The following TENM3 variants were observed in gnomAD, a reference collection of about 807,000 sequenced individuals.
The protein encoded by TENM3 is teneurin transmembrane protein 3.
TENM3 carries 63 observed loss-of-function variants against 255.1 expected under a neutral mutation model. The ratio of observed to expected loss-of-function variants is 0.25; its 90% CI spans 0.20 to 0.30. The LOEUF is 0.30. TENM3 is among the 10% of genes least tolerant of loss of function. The probability of loss-of-function intolerance (pLI) is 1.00; values close to 1 mark genes in which losing one functional copy is unlikely to be tolerated. For synonymous variants in TENM3, 1,306 were observed against 1,322.3 expected (o/e 0.99, Z 0.27); for missense variants, 2,929 against 3,461.1 (o/e 0.85, Z 3.86).
intron 1 of TENM3, among the ~76,000 whole-genome samples, chr4:182,245,210 C>G (rs1757562232): frequency 6.6e-6 from 1 of 152,122 alleles, no homozygotes; most frequent in South Asian, 2.1e-4. Context: ...GCTTTGTTTC[C>G]CAAGACTGTG....
the TENM3 span, among the ~76,000 whole-genome samples, chr4:181,831,453 C>A: frequency 5.4e-5 from 8 of 148,960 alleles, 1 homozygote; most frequent in Admixed American, 4.8e-4. Flanking sequence ...AGATGTTTAA[C>A]CCTGAAAGCA....
intron 3 of TENM3, among the ~76,000 whole-genome samples, chr4:182,356,256 CAGAA>C (rs962623090): frequency 6.6e-6 from 1 of 152,092 alleles, no homozygotes; most frequent in Admixed American, 6.6e-5. Flanking sequence ...TCCCGGCACT[CAGAA>C]AGGAGGCTGA....
chr4:181,981,751 A>G, the TENM3 span, among the ~76,000 whole-genome samples: 1 of 152,186 alleles, frequency 6.6e-6, no homozygotes, highest in African/African-American at 2.4e-5. Flanking sequence ...CGAAAAGTGG[A>G]AAAAGTCACA....
At chr4:182,346,610 C>CAT in intron 2 of TENM3, 41 bp from the exon 3 acceptor site, 1 of 1,501,486 alleles carries the variant, frequency 6.7e-7, no homozygotes, top group Non-Finnish European at 9.2e-7. Context: ...TAACACTGAA[C>CAT]ATATACTCAC....
chr4:182,268,333 C>T (rs1759375961), intron 1 of TENM3, among the ~76,000 whole-genome samples: 2 of 152,090 alleles, frequency 1.3e-5, no homozygotes, highest in Non-Finnish European at 2.9e-5. Context: ...CTCCTCTCTA[C>T]CCTAAATGTA....
chr4:182,331,841 A>G (rs1259721325), intron 2 of TENM3, among the ~76,000 whole-genome samples: 1 of 152,202 alleles, frequency 6.6e-6, no homozygotes, highest in Non-Finnish European at 1.5e-5. Flanking sequence ...AAACAATAAT[A>G]TAGTAGCTAA....
intron 3 of TENM3, among the ~76,000 whole-genome samples, chr4:182,465,618 A>G (rs1732511635): frequency 6.6e-6 from 1 of 152,190 alleles, no homozygotes; most frequent in Non-Finnish European, 1.5e-5. Flanking sequence ...TTAGGGAATT[A>G]GAATACTCCC....
intron 11 of TENM3, among the ~76,000 whole-genome samples, chr4:182,684,681 A>G (rs17073835): frequency 0.11 from 16,095 of 152,158 alleles, 1,138 homozygotes; most frequent in South Asian, 0.14. Flanking sequence ...TGGTGGTAGT[A>G]GTTACTATGG....
chr4:181,998,998 C>T, the TENM3 span, among the ~76,000 whole-genome samples: 1 of 152,150 alleles, frequency 6.6e-6, no homozygotes, highest in East Asian at 1.9e-4. Flanking sequence ...GGAAATACTA[C>T]ATGTAAAGCA....
chr4:182,494,994 G>A (rs939174055), intron 3 of TENM3, among the ~76,000 whole-genome samples: 5 of 152,160 alleles, frequency 3.3e-5, no homozygotes, highest in African/African-American at 1.2e-4. Context: ...CAGCATCTTT[G>A]GAGATGTTGT....
At chr4:182,395,644 G>A (rs915215286) in intron 3 of TENM3, among the ~76,000 whole-genome samples, 11 of 152,028 alleles carry the variant, frequency 7.2e-5, no homozygotes, top group Non-Finnish European at 1.5e-4. Flanking sequence ...CAAGAGACCC[G>A]GAGTCTTGAA....
chr4:182,542,782 C>T (rs1035687326), intron 3 of TENM3, among the ~76,000 whole-genome samples: 1 of 152,164 alleles, frequency 6.6e-6, no homozygotes, highest in African/African-American at 2.4e-5. Context: ...TGATTCTATA[C>T]AATTTTTTAT....
intron 3 of TENM3, among the ~76,000 whole-genome samples, chr4:182,489,144 G>A (rs1194401253): frequency 6.6e-6 from 1 of 152,098 alleles, no homozygotes; most frequent in Non-Finnish European, 1.5e-5. Context: ...ATCGTTAAGG[G>A]AGACTCTTAA....
At chr4:181,640,547 C>T in the TENM3 span, among the ~76,000 whole-genome samples, 1 of 152,186 alleles carries the variant, frequency 6.6e-6, no homozygotes, top group African/African-American at 2.4e-5. Flanking sequence ...AAATTTCCAA[C>T]ACAACACCCT....
intron 3 of TENM3, among the ~76,000 whole-genome samples, chr4:182,562,772 C>G (rs961251014): frequency 3.3e-5 from 5 of 152,046 alleles, no homozygotes; most frequent in Admixed American, 3.3e-4. Flanking sequence ...CAACATGGAG[C>G]GCAACTTCTC....
the TENM3 span, among the ~76,000 whole-genome samples, chr4:181,573,616 T>C: frequency 6.6e-6 from 1 of 152,164 alleles, no homozygotes; most frequent in South Asian, 2.1e-4. Flanking sequence ...GCTAATATAG[T>C]GTCACCTGGC....
chr4:182,352,512 C>A (rs545664502), intron 3 of TENM3, among the ~76,000 whole-genome samples: 1 of 152,224 alleles, frequency 6.6e-6, no homozygotes, highest in East Asian at 1.9e-4. Flanking sequence ...TCATTTCTCA[C>A]CTAAGTTTGA....
chr4:182,786,031 G>C (rs1765625592), intron 24 of TENM3, among the ~76,000 whole-genome samples: 2 of 152,150 alleles, frequency 1.3e-5, no homozygotes, highest in Non-Finnish European at 2.9e-5. Flanking sequence ...TGGGAATTTG[G>C]GAAAAAACAT....
chr4:181,968,962 G>C, the TENM3 span, among the ~76,000 whole-genome samples: 2 of 144,440 alleles, frequency 1.4e-5, no homozygotes, highest in Admixed American at 7.0e-5. Flanking sequence ...TACCTCTCTT[G>C]TCTCTCTCTC....
Sources: gnomAD v4.1 joint callset for allele counts (sites outside exome capture counted in the v4.1 genomes callset) on GRCh38, gnomAD v4.1.1 for gene constraint, MANE v1.5 for transcripts, NCBI Gene and HGNC (gene_info 2026-07-23, HGNC 2026-07-21) for gene names.